POMT2: variants seen among roughly 807,000 people sequenced by gnomAD.
POMT2 encodes protein O-mannosyl-transferase 2.
A neutral mutation model predicts 100.0 loss-of-function variants in POMT2; 75 were observed. The observed-to-expected ratio is 0.75, with a 90% CI of 0.62 to 0.91. The LOEUF (loss-of-function observed/expected upper bound fraction) is 0.91. Ranked by LOEUF, POMT2 falls within the 40% of genes least tolerant of loss-of-function variation. The pLI is 0.00. For missense variants in POMT2, 940 were observed against 955.1 expected (o/e 0.98, Z 0.21); for synonymous variants, 378 against 374.1 (o/e 1.01, Z -0.12).
In POMT2 at chr14:77,278,852, GCA is replaced by G; in HGVS notation, c.1907_1908del (p.Leu636ProfsTer143). 6.2e-7 allele frequency: 1 copy of G among 1,613,240 alleles called. No individual in the cohort carries two copies. On this transcript the variant is annotated frameshift_variant, in exon 19 of 21. Transcript: ENST00000261534. LOFTEE classifies it high-confidence loss of function. The stretch of plus-strand genomic sequence containing the variant: ...AGCAGGACCTGGCCGCCTCCTCGAA[GCA>G]GGACCTGGGACAACCCTGGGCCCAA... ...PAEVAGLSQV[L>X]LRGGGQVLLG...
At chr14:77,289,420 G>A (rs1211713022) in intron 10 of POMT2, among the ~76,000 whole-genome samples, 1 of 116,288 alleles carries the variant, frequency 8.6e-6, no homozygotes, top group Non-Finnish European at 1.7e-5. Flanking sequence ...AAACTCCTTC[G>A]ATGAATAGCA....
chr14:77,288,960 C>A, intron 10 of POMT2, 129 bp from the exon 11 acceptor site: 1 of 794,430 alleles, frequency 1.3e-6, no homozygotes, highest in Non-Finnish European at 2.2e-6. Flanking sequence ...ACTCTGAGAC[C>A]AAAGAGGAAA....
intron 8 of POMT2, among the ~76,000 whole-genome samples, chr14:77,297,732 A>G (rs983556193): frequency 6.6e-6 from 1 of 152,198 alleles, no homozygotes; most frequent in Non-Finnish European, 1.5e-5. Context: ...TGCTGTGTCC[A>G]GATCTCCCTT....
At chr14:77,301,411 C>T (rs895971802) in intron 5 of POMT2, among the ~76,000 whole-genome samples, 162 bp from the exon 6 acceptor site, 4 of 152,152 alleles carry the variant, frequency 2.6e-5, no homozygotes, top group Admixed American at 2.6e-4. Flanking sequence ...ATGGAGGAGG[C>T]GGCCTGTGAA....
chr14:77,299,108 A>G (rs1346431951), intron 7 of POMT2, among the ~76,000 whole-genome samples: 2 of 152,228 alleles, frequency 1.3e-5, no homozygotes, highest in African/African-American at 4.8e-5. Context: ...GTAGCTACTC[A>G]TTAAGTGGGA....
intron 8 of POMT2, among the ~76,000 whole-genome samples, chr14:77,297,736 C>T (rs1890881318): frequency 6.6e-6 from 1 of 152,170 alleles, no homozygotes; most frequent in African/African-American, 2.4e-5. Context: ...GTGTCCAGAT[C>T]TCCCTTGTAT....
At chr14:77,293,192 C>T (rs751698248) in intron 9 of POMT2, among the ~76,000 whole-genome samples, 2 of 152,146 alleles carry the variant, frequency 1.3e-5, no homozygotes, top group African/African-American at 4.8e-5. Flanking sequence ...AGCTCGATAT[C>T]GTCCATCCAG....
intron 12 of POMT2, among the ~76,000 whole-genome samples, chr14:77,286,279 T>C (rs1287406460): frequency 6.6e-6 from 1 of 152,240 alleles, no homozygotes; most frequent in Non-Finnish European, 1.5e-5. Context: ...TTTTATTTAT[T>C]AGCTGCATCT....
Position 77,280,030 on chromosome 14 carries a change from A to C in POMT2, c.1776T>G (p.Leu592=), listed in dbSNP as rs893166390. Residue 592 remains leucine, a synonymous_variant, in exon 17 of 21, where the codon CTT becomes CTG. Transcript: ENST00000261534. ...ATGTTTAGGCACTCACCGGGTTGCCAAGCAGATAGACTCGGAAATCTGTGT... is the reference window on the plus strand; with the variant it reads ...ATGTTTAGGCACTCACCGGGTTGCCCAGCAGATAGACTCGGAAATCTGTGT... ...VNDTDFRVYL[L]GNPVVWWLNL... is the part of the protein sequence containing the mutation. 3.7e-6 allele frequency: 6 copies of C among 1,613,894 alleles called. No individual in the cohort carries two copies. The African/African-American group carries it at 8.0e-5, about 22-fold the overall frequency.
At position 77,278,056 on chromosome 14, in the gene POMT2, G is replaced by GC. The variant is rs561798825; in HGVS notation, c.2147+337dup. Among the ~76,000 whole-genome samples the GC allele has an allele frequency of 3.9e-5, 6 of 152,152 alleles. No homozygotes were observed. In the South Asian group the frequency reaches 1.2e-3, roughly 32 times the overall value. On this transcript the variant is annotated intron_variant, in intron 20 of 20. Transcript: ENST00000261534. Reference sequence around the variant, plus strand: ...CATGGTGACTAAAGAGGGGTTCCCTGCCCCCCATTCCCACACTCCCCCTCT... The same window carrying GC: ...CATGGTGACTAAAGAGGGGTTCCCTGCCCCCCCATTCCCACACTCCCCCTCT...
At chr14:77,293,379 G>A (rs1335938077) in intron 9 of POMT2, among the ~76,000 whole-genome samples, 2 of 152,138 alleles carry the variant, frequency 1.3e-5, no homozygotes, top group African/African-American at 2.4e-5. Context: ...TTTTCCCACT[G>A]AAATGTTTGT....
chr14:77,295,407 T>A (rs1176129830), intron 9 of POMT2, among the ~76,000 whole-genome samples: 3 of 151,896 alleles, frequency 2.0e-5, no homozygotes, highest in African/African-American at 7.3e-5. Flanking sequence ...CCGAGGCAGG[T>A]GGATCATGAG....
chr14:77,277,314 C>T lies in POMT2; in HGVS notation c.*62G>A. On this transcript the variant is annotated 3_prime_UTR_variant, in exon 21 of 21. Coordinates refer to ENST00000261534, the MANE Select transcript of POMT2 (RefSeq NM_013382.7). ...TTCCTCATGGCCGGATGGTCCAGTA[C>T]TGCTTCCCAGCTGGCTCTCCTGGGA... 1.4e-6 allele frequency: 2 copies of T among 1,420,600 alleles called. No individual in the cohort carries two copies. Among genetic ancestry groups the T allele is most frequent in the Non-Finnish European group, 9.9e-7 (1 of 1,007,586 alleles). The allele number at this position is 1,420,600 out of a possible 1,614,324, so 88.0% of individuals were successfully genotyped here.
chr14:77,320,520 C>T lies in POMT2; in HGVS notation c.162G>A (p.Ala54=). The T allele has an allele frequency of 6.4e-7, 1 of 1,553,848 alleles. No homozygotes were observed. The highest frequency in any genetic ancestry group is 8.7e-7 in the Non-Finnish European group (1 of 1,154,288). Residue 54 remains alanine, a synonymous_variant, in exon 1 of 21, where the codon GCG becomes GCA. Transcript: ENST00000261534. ...RPAWGSRRFE[A]VGWWALLALV... ...AGGCCAGCAGGGCCCACCAGCCGAC[C>T]GCCTCGAAGCGCCGTGAGCCCCAAG...
chr14:77,312,101 A>G, intron 1 of POMT2, 68 bp from the exon 2 acceptor site: 1 of 1,578,676 alleles, frequency 6.3e-7, no homozygotes, highest in Non-Finnish European at 8.6e-7. Context: ...GCCTTCATAA[A>G]GCATGGTTAA....
intron 8 of POMT2, chr14:77,296,656 A>G (rs1890842751): frequency 7.4e-6 from 2 of 270,610 alleles, no homozygotes; most frequent in Admixed American, 9.7e-5. Flanking sequence ...ATTTTGACAA[A>G]CCATTTTTTT....
chr14:77,298,952 C>G (rs962644416), intron 7 of POMT2, among the ~76,000 whole-genome samples, 181 bp from the exon 8 acceptor site: 2 of 152,240 alleles, frequency 1.3e-5, no homozygotes, highest in South Asian at 4.1e-4. Context: ...CACTTACTAG[C>G]TGTGCGACCT....
chr14:77,297,261 C>T (rs75152095), intron 8 of POMT2, among the ~76,000 whole-genome samples: 1,875 of 152,266 alleles, frequency 0.012, 35 homozygotes, highest in African/African-American at 0.043. Context: ...CTCTCTGTTC[C>T]CACTTCTCGA....
In POMT2 at chr14:77,306,444, G is replaced by C; in HGVS notation, c.334-3C>G. On this transcript the variant is annotated splice_polypyrimidine_tract_variant and splice_region_variant and intron_variant, in intron 2 of 20. Coordinates refer to ENST00000261534, the MANE Select transcript of POMT2 (RefSeq NM_013382.7). ...TAGCCAGCAAGACCTATCAGCATCT[G>C]AGGAGAGAAGAACAAACAAAAAGAT... The C allele has an allele frequency of 6.2e-7, 1 of 1,611,890 alleles. No individual in the cohort carries two copies. Among genetic ancestry groups the C allele is most frequent in the Non-Finnish European group, 8.5e-7 (1 of 1,178,208 alleles).
Sources: gnomAD v4.1 joint callset for allele counts (sites outside exome capture counted in the v4.1 genomes callset) on GRCh38, gnomAD v4.1.1 for gene constraint, MANE v1.5 for transcripts, NCBI Gene and HGNC (gene_info 2026-07-23, HGNC 2026-07-21) for gene names.